The following DLGAP2 variants were observed in gnomAD, a reference collection of about 807,000 sequenced individuals.
DLGAP2 encodes the protein disks large-associated protein 2.
In DLGAP2, 26 loss-of-function variants were observed where a neutral mutation model predicts 100.3. That is an observed-to-expected ratio of 0.26 (90% CI 0.19 to 0.36). The LOEUF (loss-of-function observed/expected upper bound fraction) is 0.36, where lower values mean the gene tolerates loss of function less well. Among genes scored for constraint, DLGAP2 ranks in the 10% least tolerant of loss-of-function variants. The probability of loss-of-function intolerance (pLI) is 1.00; values close to 1 mark genes in which losing one functional copy is unlikely to be tolerated. For missense variants in DLGAP2, 1,858 were observed against 1,453.2 expected (o/e 1.28, Z -4.53); for synonymous variants, 886 against 630.1 (o/e 1.41, Z -6.08).
At chr8:853,120 G>A (rs1389224858) in intron 1 of DLGAP2, among the ~76,000 whole-genome samples, 1 of 152,198 alleles carries the variant, frequency 6.6e-6, no homozygotes, top group African/African-American at 2.4e-5. Context: ...GTGTGTGTTG[G>A]GGTCCCCAAG....
chr8:1,049,778 A>G (rs532012809), intron 2 of DLGAP2, among the ~76,000 whole-genome samples: 3 of 152,338 alleles, frequency 2.0e-5, no homozygotes, highest in African/African-American at 4.8e-5. Context: ...ACACAGGCAC[A>G]TGCACACATG....
chr8:1,552,029 G>T (rs1368025611), intron 5 of DLGAP2, among the ~76,000 whole-genome samples: 1 of 152,064 alleles, frequency 6.6e-6, no homozygotes, highest in Admixed American at 6.5e-5. Flanking sequence ...CAGCTGGTTG[G>T]TCTGATTGTG....
intron 2 of DLGAP2, among the ~76,000 whole-genome samples, chr8:1,147,860 T>C (rs1255804598): frequency 2.6e-5 from 4 of 152,244 alleles, no homozygotes; most frequent in Non-Finnish European, 5.9e-5. Context: ...AATTTTATAA[T>C]TTAAAAATTG....
At chr8:1,262,076 T>G (rs1431056710) in intron 3 of DLGAP2, among the ~76,000 whole-genome samples, 3 of 152,172 alleles carry the variant, frequency 2.0e-5, no homozygotes, top group Admixed American at 1.3e-4. Context: ...ATTTTAATGG[T>G]TAGTTCTGTC....
intron 2 of DLGAP2, among the ~76,000 whole-genome samples, chr8:1,056,862 G>A (rs1057411653): frequency 6.6e-6 from 1 of 152,198 alleles, no homozygotes; most frequent in African/African-American, 2.4e-5. Context: ...ATTGTACCTG[G>A]TAGGTAACTT....
At chr8:1,163,199 T>G (rs765266060) in intron 2 of DLGAP2, among the ~76,000 whole-genome samples, 1 of 152,242 alleles carries the variant, frequency 6.6e-6, no homozygotes, top group African/African-American at 2.4e-5. Flanking sequence ...CTGACGTGTC[T>G]GTGCCAGTGA....
chr8:1,191,380 C>G (rs958078189), intron 2 of DLGAP2, among the ~76,000 whole-genome samples: 7 of 152,088 alleles, frequency 4.6e-5, no homozygotes, highest in African/African-American at 1.4e-4. Flanking sequence ...CCGTGTTAGC[C>G]AGGATGGTCT....
chr8:1,382,246 C>G (rs1192186690), intron 3 of DLGAP2, among the ~76,000 whole-genome samples: 1 of 152,176 alleles, frequency 6.6e-6, no homozygotes, highest in East Asian at 1.9e-4. Flanking sequence ...AATACATGTA[C>G]TGTTTATTAA....
intron 5 of DLGAP2, among the ~76,000 whole-genome samples, chr8:1,553,464 TC>T (rs1306254059): frequency 0.026 from 110 of 4,258 alleles, no homozygotes; most frequent in East Asian, 0.25. Flanking sequence ...GTGTTCACGG[TC>T]AGCAGCCCCG....
At chr8:885,273 C>G (rs1005905644) in intron 1 of DLGAP2, among the ~76,000 whole-genome samples, 1 of 152,144 alleles carries the variant, frequency 6.6e-6, no homozygotes, top group Non-Finnish European at 1.5e-5. Context: ...GAATGTTTTT[C>G]TATTTCTTTG....
intron 2 of DLGAP2, among the ~76,000 whole-genome samples, chr8:1,048,936 A>G (rs1039441472): frequency 2.6e-5 from 4 of 152,216 alleles, no homozygotes; most frequent in Non-Finnish European, 5.9e-5. Flanking sequence ...ACTCACGGGT[A>G]GAAAAACAGC....
At chr8:1,215,132 G>A (rs1005357935) in intron 2 of DLGAP2, among the ~76,000 whole-genome samples, 1 of 152,146 alleles carries the variant, frequency 6.6e-6, no homozygotes, top group African/African-American at 2.4e-5. Flanking sequence ...CAAAAATATG[G>A]TACAAAAGGG....
chr8:925,509 C>T (rs1400671494), intron 2 of DLGAP2, among the ~76,000 whole-genome samples: 1 of 152,086 alleles, frequency 6.6e-6, no homozygotes, highest in East Asian at 1.9e-4. Flanking sequence ...ACTTGGGGGG[C>T]AGCCTTGTGG....
In DLGAP2 at chr8:755,357, C is replaced by T. The variant is rs76431632; in HGVS notation, c.18+17532C>T. On this transcript the variant is annotated intron_variant, in intron 1 of 14. Coordinates refer to ENST00000637795, the MANE Select transcript of DLGAP2 (RefSeq NM_001346810.2). ...GCTCTTGCCTGAGGTCTCAGCTACT[C>T]GGGAGATGGGAGGAACACTTGAACA... 8.4e-3 allele frequency among the ~76,000 whole-genome samples: 1,271 copies of T among 151,992 alleles called. 18 individuals carry two copies. The highest frequency in any genetic ancestry group is 0.025 in the African/African-American group (1,032 of 41,434).
chr8:1,317,086 C>T (rs1235644825), intron 3 of DLGAP2, among the ~76,000 whole-genome samples: 22 of 129,000 alleles, frequency 1.7e-4, no homozygotes, highest in African/African-American at 4.1e-4. Flanking sequence ...TCGAGACACT[C>T]GGCAGCGTTT....
intron 6 of DLGAP2, among the ~76,000 whole-genome samples, chr8:1,620,751 G>A (rs1797306446): frequency 6.6e-6 from 1 of 152,106 alleles, no homozygotes; most frequent in Admixed American, 6.5e-5. Flanking sequence ...ACCACTTCCT[G>A]CATTCAGGCA....
At chr8:783,725 T>A (rs577105425) in intron 1 of DLGAP2, among the ~76,000 whole-genome samples, 1 of 152,264 alleles carries the variant, frequency 6.6e-6, no homozygotes, top group South Asian at 2.1e-4. Context: ...CCCCCTCTTA[T>A]GAAAGAGGGA....
intron 1 of DLGAP2, among the ~76,000 whole-genome samples, chr8:812,111 G>A (rs942980503): frequency 6.6e-6 from 1 of 152,218 alleles, no homozygotes; most frequent in Non-Finnish European, 1.5e-5. Flanking sequence ...AGGGAGGGAA[G>A]GAGAGAGAGA....
intron 3 of DLGAP2, among the ~76,000 whole-genome samples, chr8:1,281,072 A>C (rs1416430812): frequency 2.0e-5 from 3 of 152,228 alleles, no homozygotes; most frequent in African/African-American, 7.2e-5. Context: ...CCCAGCTCAG[A>C]GAATGCTGTA....
Sources: gnomAD v4.1 joint callset for allele counts (sites outside exome capture counted in the v4.1 genomes callset) on GRCh38, gnomAD v4.1.1 for gene constraint, MANE v1.5 for transcripts, NCBI Gene and HGNC (gene_info 2026-07-23, HGNC 2026-07-21) for gene names.